CRPPA: variants seen among roughly 807,000 people sequenced by gnomAD.
CRPPA encodes the protein D-ribitol-5-phosphate cytidylyltransferase.
In CRPPA, 43 loss-of-function variants were observed where a neutral mutation model predicts 52.0. That is an observed-to-expected ratio of 0.83 (90% CI 0.65 to 1.07). The LOEUF (loss-of-function observed/expected upper bound fraction) is 1.07, where lower values mean the gene tolerates loss of function less well. Ranked by LOEUF, CRPPA falls within the 50% of genes least tolerant of loss-of-function variation. The probability of loss-of-function intolerance (pLI) is 0.00; values close to 1 mark genes in which losing one functional copy is unlikely to be tolerated. For missense variants in CRPPA, 629 were observed against 551.7 expected (o/e 1.14, Z -1.40); for synonymous variants, 250 against 203.5 (o/e 1.23, Z -1.94).
chr7:16,330,732 G>C (rs1238919499), intron 3 of CRPPA, among the ~76,000 whole-genome samples: 1 of 152,006 alleles, frequency 6.6e-6, no homozygotes, highest in East Asian at 1.9e-4. Flanking sequence ...GCAGGGAGAA[G>C]GAAAATAAAA....
chr7:16,172,376 C>T (rs1174116661), intron 9 of CRPPA, among the ~76,000 whole-genome samples: 1 of 150,950 alleles, frequency 6.6e-6, no homozygotes, highest in African/African-American at 2.5e-5. Flanking sequence ...GATTGGGTGG[C>T]AAAGGAAAAA....
intron 9 of CRPPA, among the ~76,000 whole-genome samples, chr7:16,213,189 T>A (rs1420736798): frequency 6.6e-6 from 1 of 152,206 alleles, no homozygotes; most frequent in Admixed American, 6.5e-5. Context: ...TGCTAGATCA[T>A]CAAATACAGA....
intron 8 of CRPPA, among the ~76,000 whole-genome samples, chr7:16,226,892 T>C (rs529833028): frequency 4.6e-5 from 7 of 152,022 alleles, no homozygotes; most frequent in African/African-American, 9.6e-5. Context: ...TTATTCCTCA[T>C]TGAAGTGAAA....
intron 3 of CRPPA, among the ~76,000 whole-genome samples, chr7:16,345,318 T>C (rs12155379): frequency 0.014 from 2,113 of 152,306 alleles, 15 homozygotes; most frequent in Non-Finnish European, 0.022. Flanking sequence ...TGAGAATCTG[T>C]TGCTAGTCAA....
intron 8 of CRPPA, among the ~76,000 whole-genome samples, chr7:16,219,519 G>A (rs1437967597): frequency 9.3e-6 from 1 of 107,310 alleles, no homozygotes; most frequent in Non-Finnish European, 2.0e-5. Context: ...TTTTTTGAAA[G>A]GATCAACAAA....
rs576004487 is a variant in CRPPA at position 16,308,628 on chromosome 7, C to A, written c.685-1G>T. On this transcript the variant is annotated splice_acceptor_variant, in intron 3 of 9. Transcript: ENST00000407010. LOFTEE classifies it high-confidence loss of function. Reference sequence around the variant, plus strand: ...CAAATTCCAAGTCATAGTCACTACACTGGTGTGGAAACAACAACAACAACA... The same window carrying A: ...CAAATTCCAAGTCATAGTCACTACAATGGTGTGGAAACAACAACAACAACA... 1 of 1,558,470 alleles carries A rather than the reference C, an allele frequency of 6.4e-7. No individual in the cohort carries two copies. Among genetic ancestry groups the A allele is most frequent in the Non-Finnish European group, 8.8e-7 (1 of 1,132,810 alleles).
chr7:16,113,909 A>G (rs757087967), intron 9 of CRPPA, among the ~76,000 whole-genome samples: 4 of 152,050 alleles, frequency 2.6e-5, no homozygotes, highest in Non-Finnish European at 4.4e-5. Context: ...TGATTTTAAA[A>G]TAAGTACATA....
intron 3 of CRPPA, among the ~76,000 whole-genome samples, chr7:16,345,457 T>A (rs1174582987): frequency 2.6e-5 from 4 of 152,112 alleles, no homozygotes; most frequent in African/African-American, 9.7e-5. Flanking sequence ...ATATAAATGA[T>A]CATATAAATG....
intron 2 of CRPPA, among the ~76,000 whole-genome samples, chr7:16,379,449 C>T (rs1787010544): frequency 2.0e-5 from 3 of 152,214 alleles, no homozygotes; most frequent in African/African-American, 4.8e-5. Context: ...GTTCTTTTGG[C>T]TTAGGATTGA....
At chr7:16,114,879 A>G (rs1782338521) in intron 9 of CRPPA, among the ~76,000 whole-genome samples, 1 of 151,006 alleles carries the variant, frequency 6.6e-6, no homozygotes, top group African/African-American at 2.4e-5. Context: ...CAAGAAATTA[A>G]TAAGAGAGAA....
At chr7:16,224,443 G>A (rs2128401097) in intron 8 of CRPPA, among the ~76,000 whole-genome samples, 1 of 152,240 alleles carries the variant, frequency 6.6e-6, no homozygotes. Flanking sequence ...TTGGTGGTAT[G>A]AGGGGAAATA....
intron 8 of CRPPA, among the ~76,000 whole-genome samples, chr7:16,236,850 T>C (rs1157120114): frequency 6.6e-6 from 1 of 152,112 alleles, no homozygotes. Context: ...TATTTTAAAT[T>C]GTGTCTATCC....
At chr7:16,129,707 A>C (rs571915071) in intron 9 of CRPPA, among the ~76,000 whole-genome samples, 1 of 152,304 alleles carries the variant, frequency 6.6e-6, no homozygotes, top group East Asian at 1.9e-4. Flanking sequence ...ATTTTGAATA[A>C]GTAAAAGTAT....
At chr7:16,106,335 C>A (rs1446574848) in intron 9 of CRPPA, among the ~76,000 whole-genome samples, 1 of 152,170 alleles carries the variant, frequency 6.6e-6, no homozygotes, top group African/African-American at 2.4e-5. Context: ...GCAATTCTGC[C>A]TAAACTTGGA....
intron 9 of CRPPA, among the ~76,000 whole-genome samples, chr7:16,138,849 A>C (rs1297670608): frequency 6.6e-6 from 1 of 152,088 alleles, no homozygotes; most frequent in Non-Finnish European, 1.5e-5. Context: ...TCGCCCAGGC[A>C]AGAGTGCAAT....
intron 9 of CRPPA, among the ~76,000 whole-genome samples, chr7:16,168,300 T>G (rs1781108231): frequency 6.6e-6 from 1 of 152,144 alleles, no homozygotes; most frequent in Non-Finnish European, 1.5e-5. Flanking sequence ...ATAAATGTGT[T>G]TTTTAAATAG....
intron 9 of CRPPA, among the ~76,000 whole-genome samples, chr7:16,213,176 C>T (rs889415195): frequency 6.6e-6 from 1 of 152,180 alleles, no homozygotes; most frequent in Non-Finnish European, 1.5e-5. Context: ...TCTGTAAGTT[C>T]ACTGCTAGAT....
chr7:16,131,819 G>A (rs577462462), intron 9 of CRPPA, among the ~76,000 whole-genome samples: 1 of 152,252 alleles, frequency 6.6e-6, no homozygotes, highest in South Asian at 2.1e-4. Context: ...GAACTCAAGT[G>A]ATCTGCCCAT....
chr7:16,305,369 G>A (rs1173792655), intron 4 of CRPPA, among the ~76,000 whole-genome samples: 1 of 152,146 alleles, frequency 6.6e-6, no homozygotes, highest in Non-Finnish European at 1.5e-5. Context: ...CCAATCCAGA[G>A]CACGACAGGA....
Sources: allele counts gnomAD v4.1 joint callset (sites outside exome capture counted in the v4.1 genomes callset), GRCh38; gene constraint gnomAD v4.1.1; transcripts MANE v1.5; gene names NCBI Gene and HGNC (gene_info 2026-07-23, HGNC 2026-07-21).